Variants in SPINK5 observed in about 807,000 individuals in gnomAD.
SPINK5 encodes the protein serine protease inhibitor Kazal-type 5.
SPINK5 carries 125 observed loss-of-function variants against 151.8 expected under a neutral mutation model. The ratio of observed to expected loss-of-function variants is 0.82; its 90% CI spans 0.71 to 0.96. SPINK5 has a LOEUF of 0.96. Among genes scored for constraint, SPINK5 ranks in the 40% least tolerant of loss-of-function variants. SPINK5 has a pLI of 0.00. For synonymous variants in SPINK5, 374 were observed against 395.3 expected (o/e 0.95, Z 0.64); for missense variants, 1,194 against 1,291.9 (o/e 0.92, Z 1.16).
chr5:148,121,143 C>CAGAAAA lies in SPINK5; in HGVS notation c.2538+753_2538+754insGAAAAA, dbSNP rs1554106525. On this transcript the variant is annotated intron_variant, in intron 26 of 32. Coordinates refer to ENST00000256084, the MANE Select transcript of SPINK5 (RefSeq NM_006846.4). ...TGGGCGACAGAGCAAGACTCTGTCTCAAAAAAAAAAAAAAAAAAAAAAAAG... is the reference window on the plus strand; with the variant it reads ...TGGGCGACAGAGCAAGACTCTGTCTCAGAAAAAAAAAAAAAAAAAAAAAAAAAAAAG... 7.3e-5 allele frequency among the ~76,000 whole-genome samples: 5 copies of CAGAAAA among 68,668 alleles called. 1 individual carries two copies. The highest frequency in any genetic ancestry group is 5.2e-4 in the East Asian group (1 of 1,922). 45.0% of individuals were successfully genotyped at this position (68,668 alleles called of 152,430 possible). A position where few individuals can be genotyped will look rare whatever the true frequency, so the allele number is the denominator to read the frequency against.
chr5:148,073,019 T>A (rs541964974), intron 4 of SPINK5, among the ~76,000 whole-genome samples: 137 of 151,952 alleles, frequency 9.0e-4, no homozygotes, highest in Non-Finnish European at 1.4e-3. Context: ...AAATAAAATT[T>A]AAAAAATAAA....
In SPINK5 at chr5:148,086,454, G is replaced by T; in HGVS notation, c.332G>T (p.Cys111Phe). The T allele has an allele frequency of 6.2e-7, 1 of 1,611,870 alleles. No homozygotes were observed. Reference protein sequence around the residue: ...KKGERDGDFICPDYYEAVCGT... With the variant: ...KKGERDGDFIFPDYYEAVCGT... ...GGAGAAAGAGATGGGGATTTTATCT[G>T]TCCTGATTATTATGAAGCTGTTTGT... Residue 111 changes from cysteine to phenylalanine, a missense_variant, in exon 5 of 33, where the codon TGT becomes TTT. Physicochemically the swap from Cys to Phe is radical, Grantham distance 205. Coordinates refer to ENST00000256084, the MANE Select transcript of SPINK5 (RefSeq NM_006846.4).
intron 9 of SPINK5, 65 bp from the exon 10 acceptor site, chr5:148,095,753 C>G: frequency 7.3e-7 from 1 of 1,362,836 alleles, no homozygotes; most frequent in East Asian, 2.3e-5. Context: ...TCCATCTATA[C>G]CTAATGACTG....
chr5:148,123,735 T>C (rs1441685143), intron 26 of SPINK5, 98 bp from the exon 27 acceptor site: 2 of 1,541,428 alleles, frequency 1.3e-6, no homozygotes, highest in African/African-American at 1.4e-5. Context: ...CTCTGTTTTT[T>C]TCCTGTGTTA....
chr5:148,080,383 A>G (rs1581059328), intron 4 of SPINK5, among the ~76,000 whole-genome samples: 1 of 151,378 alleles, frequency 6.6e-6, no homozygotes, highest in East Asian at 1.9e-4. Context: ...GTAGAAATAG[A>G]GCAGTTGATC....
At chr5:148,119,171 G>C in intron 24 of SPINK5, 113 bp downstream of exon 24, 1 of 1,023,086 alleles carries the variant, frequency 9.8e-7, no homozygotes, top group Non-Finnish European at 1.5e-6. Flanking sequence ...GCCCTTAGAA[G>C]GTCAGGAGTT....
chr5:148,065,891 C>A lies in SPINK5; in HGVS notation c.81+519C>A, dbSNP rs190884111. Among the ~76,000 whole-genome samples, 160 of 152,212 alleles carry A rather than the reference C, an allele frequency of 1.1e-3. 1 individual carries two copies. Among genetic ancestry groups the A allele is most frequent in the South Asian group, 7.0e-3 (34 of 4,830 alleles). ...TAAGTAAACAAAATAGATGAAATTC[C>A]TGCCCTGAAAATTACGTTTTAGTGT... On this transcript the variant is annotated intron_variant, in intron 2 of 32. Transcript: ENST00000256084.
At chr5:148,102,236 G>C in intron 15 of SPINK5, among the ~76,000 whole-genome samples, 1 of 152,080 alleles carries the variant, frequency 6.6e-6, no homozygotes, top group East Asian at 1.9e-4. Context: ...AAGGGTGAGG[G>C]TTGGGAATGA....
intron 31 of SPINK5, 73 bp downstream of exon 31, chr5:148,131,462 G>C: frequency 1.3e-6 from 2 of 1,595,260 alleles, no homozygotes; most frequent in Non-Finnish European, 1.7e-6. Flanking sequence ...CCATAGTAAT[G>C]CACTGATATA....
At chr5:148,106,008 C>T (rs1244405393) in intron 16 of SPINK5, among the ~76,000 whole-genome samples, 1 of 151,954 alleles carries the variant, frequency 6.6e-6, no homozygotes, top group Non-Finnish European at 1.5e-5. Context: ...TAAAATTTGC[C>T]TTCTTACTGA....
chr5:148,126,592 T>C (rs1040839568), intron 29 of SPINK5, among the ~76,000 whole-genome samples: 65 of 151,770 alleles, frequency 4.3e-4, no homozygotes, highest in African/African-American at 1.6e-3. Context: ...TATTTATTTA[T>C]TTATTTATTT....
intron 32 of SPINK5, among the ~76,000 whole-genome samples, chr5:148,135,394 T>G (rs1581117193): frequency 6.6e-6 from 1 of 152,196 alleles, no homozygotes; most frequent in African/African-American, 2.4e-5. Flanking sequence ...GAAAAACTAC[T>G]TTATAAAGAA....
intron 2 of SPINK5, among the ~76,000 whole-genome samples, chr5:148,069,841 A>G (rs1752691725): frequency 6.6e-6 from 1 of 152,110 alleles, no homozygotes; most frequent in Admixed American, 6.6e-5. Context: ...TTCCAGATAA[A>G]TATAACCAAG....
intron 18 of SPINK5, 59 bp from the exon 19 acceptor site, chr5:148,111,709 G>C (rs1387635327): frequency 6.8e-6 from 11 of 1,612,256 alleles, no homozygotes; most frequent in Non-Finnish European, 9.3e-6. Flanking sequence ...TATTGTGGAG[G>C]AAGATTTCTA....
intron 15 of SPINK5, 138 bp downstream of exon 15, chr5:148,102,046 A>G: frequency 8.0e-7 from 1 of 1,242,462 alleles, no homozygotes; most frequent in Non-Finnish European, 1.1e-6. Flanking sequence ...TAAATGGACT[A>G]AAAACAAACA....
chr5:148,127,503 C>T (rs1032520421), intron 30 of SPINK5, among the ~76,000 whole-genome samples: 3 of 152,156 alleles, frequency 2.0e-5, no homozygotes, highest in Non-Finnish European at 4.4e-5. Context: ...CAAGCATGCT[C>T]ACAGGTATAA....
At chr5:148,067,404 A>G (rs1170670487) in intron 2 of SPINK5, among the ~76,000 whole-genome samples, 3 of 152,308 alleles carry the variant, frequency 2.0e-5, no homozygotes, top group Admixed American at 6.5e-5. Flanking sequence ...TTACCCTGCA[A>G]GTAAACAGGT....
chr5:148,128,452 C>G (rs1393246929), intron 30 of SPINK5, among the ~76,000 whole-genome samples: 1 of 152,022 alleles, frequency 6.6e-6, no homozygotes, highest in African/African-American at 2.4e-5. Flanking sequence ...TTCATCAAGC[C>G]GGCAGTCCTT....
At chr5:148,087,580 C>T (rs575610183) in intron 5 of SPINK5, among the ~76,000 whole-genome samples, 1 of 151,836 alleles carries the variant, frequency 6.6e-6, no homozygotes, top group Non-Finnish European at 1.5e-5. Flanking sequence ...CGAAAACAAA[C>T]GTAGATATAT....
Sources: allele counts gnomAD v4.1 joint callset (sites outside exome capture counted in the v4.1 genomes callset), GRCh38; gene constraint gnomAD v4.1.1; transcripts MANE v1.5; gene names NCBI Gene and HGNC (gene_info 2026-07-23, HGNC 2026-07-21).